Variants in UROS observed in about 807,000 individuals in gnomAD.
UROS encodes the protein uroporphyrinogen III synthase, also known as uroporphyrinogen-III synthase.
A neutral mutation model predicts 33.0 loss-of-function variants in UROS; 18 were observed. That is an observed-to-expected ratio of 0.55 (90% CI 0.38 to 0.81). The LOEUF is 0.81. UROS is among the 30% of genes least tolerant of loss of function. The pLI is 0.00. For synonymous variants in UROS, 114 were observed against 121.1 expected (o/e 0.94, Z 0.38); for missense variants, 293 against 314.9 (o/e 0.93, Z 0.53).
chr10:125,805,803 G>A (rs1372392732), intron 6 of UROS, among the ~76,000 whole-genome samples: 1 of 152,178 alleles, frequency 6.6e-6, no homozygotes, highest in Non-Finnish European at 1.5e-5. Flanking sequence ...CCCGAGACAC[G>A]CTGGGCACTC....
chr10:125,800,782 C>CTGGT (rs754866368), intron 6 of UROS, among the ~76,000 whole-genome samples: 1 of 152,000 alleles, frequency 6.6e-6, no homozygotes, highest in Non-Finnish European at 1.5e-5. Context: ...AACTCCTGAC[C>CTGGT]TGGTCTCAAA....
At chr10:125,816,802 C>T (rs1476843216) in intron 1 of UROS, among the ~76,000 whole-genome samples, 4 of 152,108 alleles carry the variant, frequency 2.6e-5, no homozygotes, top group South Asian at 2.1e-4. Flanking sequence ...TTTATGGTTC[C>T]GGAAAGAGAA....
chr10:125,799,574 T>C (rs114104446), intron 6 of UROS, among the ~76,000 whole-genome samples: 2,426 of 152,258 alleles, frequency 0.016, 60 homozygotes, highest in African/African-American at 0.054. Context: ...GAGGGTCCAG[T>C]GGAGTCCTGA....
chr10:125,819,752 C>T (rs1853688258), intron 1 of UROS: 1 of 153,184 alleles, frequency 6.5e-6, no homozygotes, highest in African/African-American at 2.4e-5. Context: ...GTTTCCTCTG[C>T]CTTTTTTTCC....
intron 5 of UROS, 45 bp from the exon 6 acceptor site, chr10:125,807,532 G>T: frequency 6.7e-7 from 1 of 1,489,300 alleles, no homozygotes; most frequent in Non-Finnish European, 9.4e-7. Context: ...GGTTATTGAA[G>T]TCCTTTTGTT....
chr10:125,799,903 T>C (rs1851678129), intron 6 of UROS, among the ~76,000 whole-genome samples: 2 of 152,294 alleles, frequency 1.3e-5, no homozygotes, highest in East Asian at 1.9e-4. Context: ...TTTTGGAATA[T>C]GCTTAATGCC....
At chr10:125,787,572 C>A (rs1589903672), downstream of UROS, among the ~76,000 whole-genome samples, 1 of 152,140 alleles carries the variant, frequency 6.6e-6, no homozygotes, top group African/African-American at 2.4e-5. Flanking sequence ...GGGGGTGGGG[C>A]CTGAGCTACT....
intron 3 of UROS, 91 bp from the exon 4 acceptor site, chr10:125,815,221 C>T: frequency 1.4e-6 from 2 of 1,409,306 alleles, no homozygotes; most frequent in Non-Finnish European, 2.0e-6. Flanking sequence ...AAATGCTTCA[C>T]AATAGTAGTA....
At chr10:125,796,657 G>A in intron 7 of UROS, 1 of 542,970 alleles carries the variant, frequency 1.8e-6, no homozygotes, top group South Asian at 8.0e-5. Context: ...CTGGGCCTCA[G>A]TGTGTCCACT....
chr10:125,786,277 C>A (rs922717084), downstream of UROS, among the ~76,000 whole-genome samples: 2 of 150,938 alleles, frequency 1.3e-5, no homozygotes, highest in African/African-American at 4.9e-5. Context: ...TGCACATGAA[C>A]CTTTTTTTTT....
intron 5 of UROS, among the ~76,000 whole-genome samples, chr10:125,808,237 C>T (rs1852504357): frequency 6.6e-6 from 1 of 152,222 alleles, no homozygotes; most frequent in Admixed American, 6.5e-5. Flanking sequence ...GCTACCTGCT[C>T]ACAGGAATGT....
intron 6 of UROS, among the ~76,000 whole-genome samples, chr10:125,798,922 A>C (rs1589946984): frequency 1.3e-5 from 2 of 152,366 alleles, no homozygotes; most frequent in Admixed American, 1.3e-4. Context: ...AATCTTCCCC[A>C]AATGTGAAAA....
intron 9 of UROS, 24 bp downstream of exon 9, chr10:125,794,856 C>T: frequency 6.3e-7 from 1 of 1,586,104 alleles, no homozygotes; most frequent in East Asian, 2.2e-5. Context: ...CTGAAAAAGA[C>T]CAAAAGCTCA....
chr10:125,788,727 C>T lies in UROS; in HGVS notation c.*141G>A. On this transcript the variant is annotated 3_prime_UTR_variant, in exon 10 of 10. Transcript: ENST00000368797. The stretch of plus-strand genomic sequence containing the variant: ...GCCAGCCCCAGGTCAGGTCCCGATC[C>T]CCGGTCCTCAGGTGCTTCCACTCAG... The T allele has an allele frequency of 6.9e-7, 1 of 1,440,956 alleles. No homozygotes were observed. The allele number at this position is 1,440,956 out of a possible 1,614,324, so 89.3% of individuals were successfully genotyped here.
chr10:125,806,243 T>A (rs1413669978), intron 6 of UROS, among the ~76,000 whole-genome samples: 6 of 152,102 alleles, frequency 3.9e-5, no homozygotes, highest in Non-Finnish European at 2.9e-5. Flanking sequence ...TTAAATAACA[T>A]AAATACTTTG....
chr10:125,804,991 T>C (rs988951041), intron 6 of UROS, among the ~76,000 whole-genome samples: 1 of 152,174 alleles, frequency 6.6e-6, no homozygotes, highest in Non-Finnish European at 1.5e-5. Flanking sequence ...TGCCGAACCA[T>C]ATTGAACTGA....
chr10:125,792,982 C>G (rs996976902), intron 9 of UROS: 1 of 152,302 alleles, frequency 6.6e-6, no homozygotes, highest in Non-Finnish European at 1.5e-5. Context: ...TCAGCAATGG[C>G]AGAGGTGTTA....
In UROS at chr10:125,816,943, T is replaced by C. The variant is rs985933468; in HGVS notation, c.-26-418A>G. ...TCATAAGCACTTTGGGAAATAATTATATTGACTCTTCTACTTATTAAATGA... is the reference window on the plus strand; with the variant it reads ...TCATAAGCACTTTGGGAAATAATTACATTGACTCTTCTACTTATTAAATGA... On this transcript the variant is annotated intron_variant, in intron 1 of 9. Coordinates refer to ENST00000368797, the MANE Select transcript of UROS (RefSeq NM_000375.3). Among the ~76,000 whole-genome samples, 26 of 152,256 alleles carry C rather than the reference T, an allele frequency of 1.7e-4. 1 individual carries two copies. The highest frequency in any genetic ancestry group is 1.6e-3 in the Admixed American group (25 of 15,290).
chr10:125,807,499 C>G lies in UROS; in HGVS notation c.320-12G>C. 1 of 1,608,864 alleles carries G rather than the reference C, an allele frequency of 6.2e-7. No individual in the cohort carries two copies. The highest frequency in any genetic ancestry group is 1.1e-5 in the South Asian group (1 of 90,964). On this transcript the variant is annotated splice_polypyrimidine_tract_variant and intron_variant, in intron 5 of 9. Coordinates refer to ENST00000368797, the MANE Select transcript of UROS (RefSeq NM_000375.3). ...GCCAATTTTACTCACTGGAAAACCA[C>G]AAAGAAATGTATTTCTTAACACGGT...
Sources: allele counts gnomAD v4.1 joint callset (sites outside exome capture counted in the v4.1 genomes callset), GRCh38; gene constraint gnomAD v4.1.1; transcripts MANE v1.5; gene names NCBI Gene and HGNC (gene_info 2026-07-23, HGNC 2026-07-21).